CAST: variants seen among roughly 807,000 people sequenced by gnomAD.
The protein encoded by CAST is MIR583 host.
A neutral mutation model predicts 119.6 loss-of-function variants in CAST; 76 were observed. The observed-to-expected ratio is 0.64, with a 90% CI of 0.53 to 0.77. CAST has a LOEUF of 0.77. Ranked by LOEUF, CAST falls within the 30% of genes least tolerant of loss-of-function variation. CAST has a pLI of 0.00. For missense variants in CAST, 953 were observed against 946.5 expected (o/e 1.01, Z -0.09); for synonymous variants, 319 against 331.6 (o/e 0.96, Z 0.41).
chr5:96,337,894 C>T, the CAST span, among the ~76,000 whole-genome samples: 63 of 152,314 alleles, frequency 4.1e-4, no homozygotes, highest in African/African-American at 1.4e-3. Flanking sequence ...AACAGAATAC[C>T]TCTAACATTT....
At chr5:96,066,028 A>G in the CAST span, among the ~76,000 whole-genome samples, 1 of 152,198 alleles carries the variant, frequency 6.6e-6, no homozygotes, top group East Asian at 1.9e-4. Context: ...GAACACTCCC[A>G]TTCCTGTTAA....
chr5:96,766,543 C>A (rs1425173252), intron 27 of CAST, among the ~76,000 whole-genome samples: 1 of 152,188 alleles, frequency 6.6e-6, no homozygotes, highest in Non-Finnish European at 1.5e-5. Context: ...ATTAATAAGG[C>A]AGCTCCAAGA....
the CAST span, among the ~76,000 whole-genome samples, chr5:96,268,410 A>AT: frequency 2.0e-5 from 3 of 152,206 alleles, no homozygotes; most frequent in African/African-American, 7.2e-5. Flanking sequence ...CCATCTCTAC[A>AT]TAAAAAAAAA....
the CAST span, among the ~76,000 whole-genome samples, chr5:96,375,211 G>T: frequency 6.6e-6 from 1 of 152,118 alleles, no homozygotes; most frequent in Non-Finnish European, 1.5e-5. Context: ...CAGAATAAAA[G>T]AATCTGATAG....
At chr5:96,659,736 C>A (rs141531952), upstream of CAST, among the ~76,000 whole-genome samples, 433 of 152,096 alleles carry the variant, frequency 2.8e-3, 3 homozygotes, top group African/African-American at 0.01. Context: ...CGTCGTGTTG[C>A]CCAGGCTGGT....
chr5:96,301,255 G>A, the CAST span, among the ~76,000 whole-genome samples: 1 of 152,118 alleles, frequency 6.6e-6, no homozygotes, highest in Non-Finnish European at 1.5e-5. Context: ...TATGAGAGCA[G>A]CAAGGGAAAA....
intron 1 of CAST, among the ~76,000 whole-genome samples, chr5:96,617,664 T>C (rs940987765): frequency 6.6e-5 from 10 of 151,214 alleles, no homozygotes; most frequent in South Asian, 2.1e-4. Context: ...TGGTGGTGGG[T>C]GCCAGTAGTC....
chr5:96,360,214 T>G, the CAST span, among the ~76,000 whole-genome samples: 5 of 152,164 alleles, frequency 3.3e-5, no homozygotes, highest in East Asian at 9.7e-4. Context: ...CTAAACTGGT[T>G]TTTGTAGTTA....
chr5:96,177,027 G>A, the CAST span, among the ~76,000 whole-genome samples: 1 of 152,184 alleles, frequency 6.6e-6, no homozygotes, highest in Non-Finnish European at 1.5e-5. Context: ...TTGCCCTAAA[G>A]TAAGAGTTGG....
the CAST span, among the ~76,000 whole-genome samples, chr5:96,259,328 G>C: frequency 6.6e-6 from 1 of 152,196 alleles, no homozygotes; most frequent in African/African-American, 2.4e-5. Context: ...ATTTGAGATG[G>C]CACAGGAAGG....
At chr5:96,503,028 A>C in the CAST span, among the ~76,000 whole-genome samples, 1 of 152,192 alleles carries the variant, frequency 6.6e-6, no homozygotes, top group Non-Finnish European at 1.5e-5. Context: ...TTAAAAAGCT[A>C]GTTGTTGGTT....
chr5:96,035,174 G>C, the CAST span, among the ~76,000 whole-genome samples: 1 of 128,168 alleles, frequency 7.8e-6, no homozygotes, highest in African/African-American at 2.9e-5. Context: ...TATATATTTT[G>C]AAGTATATAT....
At chr5:96,073,289 T>C in the CAST span, among the ~76,000 whole-genome samples, 1 of 152,218 alleles carries the variant, frequency 6.6e-6, no homozygotes. Context: ...GAGAGGTGAC[T>C]GACATGTATT....
the CAST span, among the ~76,000 whole-genome samples, chr5:96,204,828 G>A: frequency 6.6e-6 from 1 of 151,922 alleles, no homozygotes; most frequent in Non-Finnish European, 1.5e-5. Context: ...TACCTATAGA[G>A]GTTGGCCTAT....
At chr5:96,405,189 CATACTT>C in the CAST span, among the ~76,000 whole-genome samples, 2 of 152,148 alleles carry the variant, frequency 1.3e-5, no homozygotes, top group Admixed American at 6.5e-5. Flanking sequence ...ATAGATCAGT[CATACTT>C]ATCTTACTGA....
the CAST span, among the ~76,000 whole-genome samples, chr5:96,515,797 C>T: frequency 6.6e-6 from 1 of 152,126 alleles, no homozygotes; most frequent in African/African-American, 2.4e-5. Flanking sequence ...AAGTGTTCGA[C>T]TCGTACACTT....
the CAST span, among the ~76,000 whole-genome samples, chr5:96,437,546 T>A: frequency 1.3e-5 from 2 of 152,202 alleles, no homozygotes; most frequent in Non-Finnish European, 2.9e-5. Context: ...TCCTGAAGTA[T>A]GTCTTTCTAT....
the CAST span, among the ~76,000 whole-genome samples, chr5:96,161,010 T>A: frequency 6.6e-6 from 1 of 152,220 alleles, no homozygotes; most frequent in African/African-American, 2.4e-5. Flanking sequence ...TGGGTATAAG[T>A]CCCTTTGCAG....
chr5:96,575,801 C>T (rs1746660379), intron 1 of CAST, among the ~76,000 whole-genome samples: 1 of 151,940 alleles, frequency 6.6e-6, no homozygotes, highest in Non-Finnish European at 1.5e-5. Context: ...TGCCTCGATG[C>T]CCAGCTAATT....
Sources: allele counts gnomAD v4.1 joint callset (sites outside exome capture counted in the v4.1 genomes callset), GRCh38; gene constraint gnomAD v4.1.1; transcripts MANE v1.5; gene names NCBI Gene and HGNC (gene_info 2026-07-23, HGNC 2026-07-21).